The following RNF6 variants were observed in gnomAD, a reference collection of about 807,000 sequenced individuals.
RNF6 encodes E3 ubiquitin-protein ligase RNF6.
In RNF6, 21 loss-of-function variants were observed where a neutral mutation model predicts 50.1. The ratio of observed to expected loss-of-function variants is 0.42; its 90% CI spans 0.30 to 0.60. RNF6 has a LOEUF of 0.60. RNF6 is among the 20% of genes least tolerant of loss of function. RNF6 has a pLI of 0.20. For missense variants in RNF6, 698 were observed against 838.2 expected (o/e 0.83, Z 2.07); for synonymous variants, 255 against 291.8 (o/e 0.87, Z 1.29).
chr13:26,164,490 T>C (rs1329026350), intron 5 of RNF6, among the ~76,000 whole-genome samples: 1 of 152,194 alleles, frequency 6.6e-6, no homozygotes, highest in Non-Finnish European at 1.5e-5. Flanking sequence ...TAATATAGTA[T>C]TGTATTTTGA....
chr13:26,179,835 T>C (rs1307342954), intron 5 of RNF6, among the ~76,000 whole-genome samples: 3 of 152,184 alleles, frequency 2.0e-5, no homozygotes, highest in Non-Finnish European at 4.4e-5. Context: ...TTCACCAGAA[T>C]ACACTTCACT....
intron 5 of RNF6, among the ~76,000 whole-genome samples, chr13:26,181,969 A>T (rs1873263775): frequency 6.6e-6 from 1 of 152,188 alleles, no homozygotes; most frequent in African/African-American, 2.4e-5. Context: ...CTAATCAAGG[A>T]TCAAACAGCT....
intron 5 of RNF6, among the ~76,000 whole-genome samples, chr13:26,157,994 GATAGA>G (rs1167608342): frequency 1.3e-5 from 2 of 148,508 alleles, no homozygotes; most frequent in Non-Finnish European, 3.0e-5. Context: ...TAGATAGATA[GATAGA>G]AGAAGTCATT....
At chr13:26,183,154 A>G (rs1293371347) in intron 5 of RNF6, among the ~76,000 whole-genome samples, 1 of 152,222 alleles carries the variant, frequency 6.6e-6, no homozygotes, top group Non-Finnish European at 1.5e-5. Context: ...GTTCTATAGA[A>G]ATCTGTTATA....
intron 5 of RNF6, among the ~76,000 whole-genome samples, chr13:26,173,763 C>T (rs965502558): frequency 6.6e-6 from 1 of 151,584 alleles, no homozygotes; most frequent in Admixed American, 6.6e-5. Context: ...CCATCCTGGC[C>T]AACATGGTGA....
chr13:26,152,760 T>C (rs534626990), intron 5 of RNF6, among the ~76,000 whole-genome samples: 37 of 152,284 alleles, frequency 2.4e-4, no homozygotes, highest in Admixed American at 5.2e-4. Flanking sequence ...AGTTATAATA[T>C]GTTACATAGA....
At position 26,214,568 on chromosome 13, in the gene RNF6, A is replaced by G. The variant is rs760180310; in HGVS notation, c.1314T>C (p.Ser438=). The G allele has an allele frequency of 2.5e-6, 4 of 1,614,174 alleles. No homozygotes were observed. The highest frequency in any genetic ancestry group is 4.5e-5 in the East Asian group (2 of 44,884). Residue 438 remains serine, a synonymous_variant, in exon 5 of 5, where the codon AGT becomes AGC. Transcript: ENST00000381588. ...AENTVTIESN[S]GGFRRTISRL... ...GAGAAATGGTTCGGCGAAAGCCCCC[A>G]CTATTGCTTTCAATAGTGACTGTAT...
intron 5 of RNF6, among the ~76,000 whole-genome samples, chr13:26,187,616 G>A (rs1316306622): frequency 1.3e-5 from 2 of 152,210 alleles, no homozygotes; most frequent in African/African-American, 4.8e-5. Context: ...TAATGGTTAA[G>A]TAACGTACCC....
At chr13:26,160,352 T>A (rs896854450) in intron 5 of RNF6, among the ~76,000 whole-genome samples, 1 of 152,060 alleles carries the variant, frequency 6.6e-6, no homozygotes, top group South Asian at 2.1e-4. Context: ...TTTTACAATT[T>A]TATAAGTTTA....
intron 5 of RNF6, among the ~76,000 whole-genome samples, chr13:26,197,406 T>C (rs1453265209): frequency 1.3e-5 from 2 of 151,970 alleles, no homozygotes; most frequent in Non-Finnish European, 2.9e-5. Flanking sequence ...TCCTTTGAAA[T>C]GTAATCATTA....
chr13:26,208,959 A>G (rs4769486), downstream of RNF6, among the ~76,000 whole-genome samples: 62,603 of 152,160 alleles, frequency 0.41, 14,523 homozygotes, highest in Middle Eastern at 0.52. Context: ...AAATGCTAAA[A>G]AAGAACAAAC....
chr13:26,187,604 G>T (rs745813996), intron 5 of RNF6, among the ~76,000 whole-genome samples: 28 of 152,206 alleles, frequency 1.8e-4, no homozygotes, highest in Non-Finnish European at 2.6e-4. Flanking sequence ...TAGTGGGTAT[G>T]TTAATGGTTA....
chr13:26,142,006 T>C (rs769267298), intron 5 of RNF6, among the ~76,000 whole-genome samples: 4 of 151,996 alleles, frequency 2.6e-5, no homozygotes, highest in Non-Finnish European at 5.9e-5. Context: ...CCAGAATCTA[T>C]AAGGAACTTA....
rs114449839 is a variant in RNF6 at position 26,137,821 on chromosome 13, A to T, written n.769-5370T>A. Among the ~76,000 whole-genome samples, 1,488 of 152,140 alleles carry T rather than the reference A, an allele frequency of 9.8e-3. 18 individuals are homozygous for T. Among genetic ancestry groups the T allele is most frequent in the African/African-American group, 0.034 (1,403 of 41,524 alleles). ...CCAGTGTGTGAAACAGCATGCATAA[A>T]AAATTAAGAAAAACAAACAGTCTTA... On this transcript the variant is annotated intron_variant and non_coding_transcript_variant, in intron 5 of 5. Transcript: ENST00000468480.
At chr13:26,139,662 C>T (rs1455789751) in intron 5 of RNF6, among the ~76,000 whole-genome samples, 1 of 152,158 alleles carries the variant, frequency 6.6e-6, no homozygotes, top group African/African-American at 2.4e-5. Flanking sequence ...ATAATATTGA[C>T]TCTTCCTGTC....
intron 5 of RNF6, chr13:26,135,532 T>A (rs1011678855): frequency 6.6e-6 from 1 of 152,196 alleles, no homozygotes; most frequent in African/African-American, 2.4e-5. Context: ...ATCTGCCATA[T>A]CTTTAGATCT....
At chr13:26,137,921 GA>G (rs955493103) in intron 5 of RNF6, among the ~76,000 whole-genome samples, 1 of 152,058 alleles carries the variant, frequency 6.6e-6, no homozygotes, top group African/African-American at 2.4e-5. Flanking sequence ...GAAGACACAT[GA>G]AGAAGAACAT....
intron 5 of RNF6, among the ~76,000 whole-genome samples, chr13:26,194,927 C>T (rs1417361597): frequency 2.0e-5 from 3 of 152,150 alleles, no homozygotes; most frequent in African/African-American, 7.2e-5. Flanking sequence ...TCTGCCTTTC[C>T]CAGCCCGTGG....
intron 5 of RNF6, among the ~76,000 whole-genome samples, chr13:26,175,061 A>G (rs953260355): frequency 6.6e-6 from 1 of 152,092 alleles, no homozygotes; most frequent in African/African-American, 2.4e-5. Context: ...ATTAACCAAG[A>G]TGCTCCCCAT....
Sources: allele counts gnomAD v4.1 joint callset (sites outside exome capture counted in the v4.1 genomes callset), GRCh38; gene constraint gnomAD v4.1.1; transcripts MANE v1.5; gene names NCBI Gene and HGNC (gene_info 2026-07-23, HGNC 2026-07-21).